TIAM1: variants seen among roughly 807,000 people sequenced by gnomAD.
The protein encoded by TIAM1 is TIAM Rac1 associated GEF 1.
TIAM1 carries 65 observed loss-of-function variants against 163.5 expected under a neutral mutation model. That is an observed-to-expected ratio of 0.40 (90% CI 0.33 to 0.49). TIAM1 has a LOEUF of 0.49. Among genes scored for constraint, TIAM1 ranks in the 20% least tolerant of loss-of-function variants. The pLI is 0.77. For missense variants in TIAM1, 1,789 were observed against 2,044.7 expected (o/e 0.87, Z 2.41); for synonymous variants, 833 against 810.1 (o/e 1.03, Z -0.48).
At chr21:31,206,162 T>TCA (rs1269417119) in intron 11 of TIAM1, among the ~76,000 whole-genome samples, 2 of 152,214 alleles carry the variant, frequency 1.3e-5, no homozygotes, top group African/African-American at 4.8e-5. Context: ...ATAGTTACTC[T>TCA]CAAAACAGGA....
intron 8 of TIAM1, among the ~76,000 whole-genome samples, chr21:31,221,717 T>C (rs1469829291): frequency 2.6e-5 from 4 of 152,232 alleles, no homozygotes; most frequent in Non-Finnish European, 5.9e-5. Flanking sequence ...TTAATACAGA[T>C]GGTACCTCGA....
intron 2 of TIAM1, among the ~76,000 whole-genome samples, chr21:31,338,152 C>T (rs1398279340): frequency 6.6e-6 from 1 of 152,192 alleles, no homozygotes; most frequent in African/African-American, 2.4e-5. Flanking sequence ...GGAGTGGCTA[C>T]GCTGCTGTGC....
chr21:31,274,927 G>C (rs1186430115), intron 3 of TIAM1, among the ~76,000 whole-genome samples: 1 of 150,588 alleles, frequency 6.6e-6, no homozygotes, highest in Non-Finnish European at 1.5e-5. Flanking sequence ...TGGCCAGTAT[G>C]GTGAAACCCT....
chr21:31,266,623 A>C lies in TIAM1; in HGVS notation c.350T>G (p.Val117Gly). 6.2e-7 allele frequency: 1 copy of C among 1,614,072 alleles called. No homozygotes were observed. Among genetic ancestry groups the C allele is most frequent in the Middle Eastern group, 1.6e-4 (1 of 6,062 alleles). The part of the protein sequence containing the change: ...SVTPSVDSSI[V>G]LTAASVQSMP... The stretch of plus-strand genomic sequence containing the variant: ...GCTCTGCACAGAGGCTGCTGTGAGG[A>C]CGATGCTGCTGTCTACGCTGGGAGT... The change falls in exon 4 of 28, where the codon GTC (valine) becomes GGC (glycine). Residue 117 changes from valine (V) to glycine (G), a missense_variant. This residue lies in a region of TIAM1 where 555 missense variants were observed against 564.9 expected (regional missense o/e 0.98). Coordinates refer to ENST00000541036, the MANE Select transcript of TIAM1 (RefSeq NM_001353694.2).
intron 4 of TIAM1, 124 bp downstream of exon 4, chr21:31,265,886 A>T: frequency 1.5e-6 from 2 of 1,335,590 alleles, no homozygotes; most frequent in Non-Finnish European, 2.0e-6. Flanking sequence ...CACCAGCTGC[A>T]GCAACTACCA....
Position 31,146,909 on chromosome 21 carries a change from T to C in TIAM1, c.3461A>G (p.Lys1154Arg), listed in dbSNP as rs1263961605. 1 of 1,613,958 alleles carries C rather than the reference T, an allele frequency of 6.2e-7. No homozygotes were observed. Among genetic ancestry groups the C allele is most frequent in the Admixed American group, 1.7e-5 (1 of 60,014 alleles). The change falls in exon 20 of 28, where the codon AAG (lysine) becomes AGG (arginine). Residue 1154 changes from lysine (K) to arginine (R), a missense_variant. Coordinates refer to ENST00000541036, the MANE Select transcript of TIAM1 (RefSeq NM_001353694.2). Reference protein sequence around the residue: ...AFCASHTKVPKVLVKAKTDTA... With the variant: ...AFCASHTKVPRVLVKAKTDTA... The stretch of plus-strand genomic sequence containing the variant: ...AGAGGCCTTACCTTTCACCAGGACC[T>C]TGGGAACTTTTGTGTGGCTGGCGCA...
intron 2 of TIAM1, among the ~76,000 whole-genome samples, chr21:31,451,718 CGT>C (rs59110882): frequency 0.081 from 11,478 of 141,962 alleles, 602 homozygotes; most frequent in African/African-American, 0.15. Context: ...CATGTGTGTG[CGT>C]GTGTGTGTGT....
intron 2 of TIAM1, among the ~76,000 whole-genome samples, chr21:31,438,814 C>G (rs1368684995): frequency 6.6e-6 from 1 of 152,116 alleles, no homozygotes; most frequent in East Asian, 1.9e-4. Context: ...GGCAGCATCC[C>G]TGGCCTCCAT....
rs766836377 is a variant in TIAM1 at position 31,124,603 on chromosome 21, G to T, written c.4225C>A (p.Pro1409Thr). The T allele has an allele frequency of 6.2e-7, 1 of 1,613,970 alleles. No individual in the cohort carries two copies. The highest frequency in any genetic ancestry group is 8.5e-7 in the Non-Finnish European group (1 of 1,179,914). ...RRQLLKTESL[P>T]SSQQYVPFGG... ...AAAGGGACATATTGCTGGGATGAGG[G>T]AAGGCTCTCGGTTTTGAGGAGCTGT... is the stretch of plus-strand genomic sequence containing the variant. Residue 1409 changes from proline (P) to threonine (T), a missense_variant, in exon 27 of 28, where the codon CCC becomes ACC. Pro to Thr is a conservative substitution (Grantham distance 38). Coordinates refer to ENST00000541036, the MANE Select transcript of TIAM1 (RefSeq NM_001353694.2).
rs2071850769 is a variant in TIAM1 at position 31,252,195 on chromosome 21, G to A, written c.964-6C>T. On this transcript the variant is annotated splice_polypyrimidine_tract_variant and splice_region_variant and intron_variant, in intron 4 of 27. Transcript: ENST00000541036. ...CCCTCGCCTGCATTAACATCCTTGG[G>A]AGCAGAAAGAGAGAGCAAAGAAGAC... 4 of 1,598,916 alleles carry A rather than the reference G, an allele frequency of 2.5e-6. No homozygotes were observed. The highest frequency in any genetic ancestry group is 2.2e-5 in the East Asian group (1 of 44,792).
intron 11 of TIAM1, among the ~76,000 whole-genome samples, chr21:31,207,420 T>A (rs2086507847): frequency 6.6e-6 from 1 of 152,118 alleles, no homozygotes; most frequent in East Asian, 1.9e-4. Flanking sequence ...AGAGAAAGCA[T>A]CTATCACCAA....
intron 2 of TIAM1, among the ~76,000 whole-genome samples, chr21:31,417,091 C>A (rs1381038409): frequency 6.6e-6 from 1 of 152,290 alleles, no homozygotes; most frequent in Non-Finnish European, 1.5e-5. Flanking sequence ...GGCACAATCT[C>A]GGCTCACTGC....
At chr21:31,461,987 A>T (rs2045346120) in intron 2 of TIAM1, among the ~76,000 whole-genome samples, 1 of 152,220 alleles carries the variant, frequency 6.6e-6, no homozygotes. Context: ...CTTTAAAGCC[A>T]CAGTTTGTGA....
chr21:31,485,499 G>A (rs2046243041), intron 1 of TIAM1, among the ~76,000 whole-genome samples: 1 of 152,048 alleles, frequency 6.6e-6, no homozygotes, highest in Non-Finnish European at 1.5e-5. Context: ...GAGAGAGGAG[G>A]CAGAGAGAAA....
chr21:31,186,492 T>C (rs182604759), intron 14 of TIAM1, among the ~76,000 whole-genome samples: 94 of 152,226 alleles, frequency 6.2e-4, no homozygotes, highest in African/African-American at 2.0e-3. Flanking sequence ...CCCAGGGTAA[T>C]GGGCTCAATC....
intron 10 of TIAM1, 54 bp from the exon 11 acceptor site, chr21:31,210,269 T>A: frequency 6.3e-7 from 1 of 1,577,660 alleles, no homozygotes; most frequent in Non-Finnish European, 8.6e-7. Flanking sequence ...CTGACAACCC[T>A]AGATTCCCAG....
chr21:31,475,803 C>T (rs889450053), intron 1 of TIAM1, among the ~76,000 whole-genome samples: 2 of 152,212 alleles, frequency 1.3e-5, no homozygotes, highest in Admixed American at 6.5e-5. Flanking sequence ...CTGGAGTTCT[C>T]CTGAGCAAAT....
At chr21:31,203,783 A>G (rs1354899644) in intron 11 of TIAM1, among the ~76,000 whole-genome samples, 1 of 152,276 alleles carries the variant, frequency 6.6e-6, no homozygotes, top group Admixed American at 6.5e-5. Flanking sequence ...ACATAGGGAC[A>G]GTGGGACAGT....
At chr21:31,136,098 T>C in intron 22 of TIAM1, 57 bp from the exon 23 acceptor site, 2 of 1,433,994 alleles carry the variant, frequency 1.4e-6, no homozygotes, top group African/African-American at 2.8e-5. Context: ...ACTCAGATTT[T>C]CATGATGTTT....
Sources: allele counts gnomAD v4.1 joint callset (sites outside exome capture counted in the v4.1 genomes callset), GRCh38; gene constraint gnomAD v4.1.1; regional missense constraint gnomAD v4.1.1; transcripts MANE v1.5; gene names NCBI Gene and HGNC (gene_info 2026-07-23, HGNC 2026-07-21).